The following BCAS1 variants were observed in gnomAD, a reference collection of about 807,000 sequenced individuals.
The protein encoded by BCAS1 is breast carcinoma-amplified sequence 1.
BCAS1 carries 46 observed loss-of-function variants against 65.4 expected under a neutral mutation model. The ratio of observed to expected loss-of-function variants is 0.70; its 90% CI spans 0.55 to 0.90. BCAS1 has a LOEUF of 0.90. BCAS1 is among the 40% of genes least tolerant of loss of function. The pLI is 0.00. For missense variants in BCAS1, 793 were observed against 771.2 expected, an observed-to-expected ratio of 1.03 and a Z score of -0.33; for synonymous variants, 298 against 293.5, an observed-to-expected ratio of 1.02 and a Z score of -0.16.
chr20:54,021,931 A>C (rs1248174454), intron 4 of BCAS1, among the ~76,000 whole-genome samples: 3 of 152,202 alleles, frequency 2.0e-5, no homozygotes, highest in Non-Finnish European at 4.4e-5. Context: ...CAAAAACTTT[A>C]TCTCTAAAAA....
intron 6 of BCAS1, among the ~76,000 whole-genome samples, chr20:53,993,705 C>A (rs1331634157): frequency 6.6e-6 from 1 of 152,194 alleles, no homozygotes; most frequent in African/African-American, 2.4e-5. Flanking sequence ...AGACATAGAA[C>A]CAAAAGAAAT....
chr20:54,050,436 G>GT (rs1224932191), intron 3 of BCAS1, among the ~76,000 whole-genome samples: 1 of 152,192 alleles, frequency 6.6e-6, no homozygotes, highest in African/African-American at 2.4e-5. Flanking sequence ...AATTGCATAA[G>GT]TAAGTTGCAC....
In BCAS1 at chr20:53,969,201, C is replaced by A. The variant is rs796871342; in HGVS notation, c.1318-2128G>T. 2.6e-5 allele frequency among the ~76,000 whole-genome samples: 4 copies of A among 151,016 alleles called. No homozygotes were observed. In the South Asian group the frequency reaches 8.6e-4, roughly 32 times the overall value. ...CTGTTCTCGGTGGGAATTGCATACA[C>A]ATCAGAAAGTTGTCTGCATATTAAA... On this transcript the variant is annotated intron_variant, in intron 9 of 12. Coordinates refer to ENST00000688948, the MANE Select transcript of BCAS1 (RefSeq NM_001366298.2).
intron 3 of BCAS1, among the ~76,000 whole-genome samples, chr20:54,043,320 G>A (rs1166462394): frequency 6.7e-6 from 1 of 150,056 alleles, no homozygotes; most frequent in Non-Finnish European, 1.5e-5. Context: ...TGATGATGAT[G>A]ATGATGATGA....
chr20:53,947,191 C>T (rs750338678), intron 12 of BCAS1, among the ~76,000 whole-genome samples: 15 of 151,950 alleles, frequency 9.9e-5, no homozygotes, highest in Non-Finnish European at 1.8e-4. Context: ...TTAATTTTAC[C>T]GTTGATAAAA....
chr20:54,009,365 C>T (rs2091273332), intron 4 of BCAS1, among the ~76,000 whole-genome samples: 1 of 151,910 alleles, frequency 6.6e-6, no homozygotes, highest in Non-Finnish European at 1.5e-5. Context: ...CAGATGACAA[C>T]AAAAAAGAGA....
At chr20:54,068,081 C>T (rs1342570081) in intron 1 of BCAS1, among the ~76,000 whole-genome samples, 2 of 152,186 alleles carry the variant, frequency 1.3e-5, no homozygotes, top group East Asian at 1.9e-4. Flanking sequence ...CTACAGGTTG[C>T]CTCCTGTACA....
At chr20:54,047,322 T>C (rs1029758221) in intron 3 of BCAS1, among the ~76,000 whole-genome samples, 1 of 152,230 alleles carries the variant, frequency 6.6e-6, no homozygotes, top group South Asian at 2.1e-4. Flanking sequence ...CTGTTGGTTA[T>C]ATAGGACCAG....
chr20:54,041,250 G>A (rs1294452011), intron 3 of BCAS1, among the ~76,000 whole-genome samples: 3 of 151,322 alleles, frequency 2.0e-5, no homozygotes, highest in Non-Finnish European at 3.0e-5. Context: ...ATTAGACGTG[G>A]AACGATTGCA....
At chr20:54,063,975 A>G (rs1438251265) in intron 1 of BCAS1, among the ~76,000 whole-genome samples, 1 of 147,216 alleles carries the variant, frequency 6.8e-6, no homozygotes, top group African/African-American at 2.4e-5. Flanking sequence ...TACATTAAAC[A>G]TACGAAGCTA....
intron 9 of BCAS1, among the ~76,000 whole-genome samples, chr20:53,970,068 T>G (rs1234747498): frequency 6.6e-6 from 1 of 151,792 alleles, no homozygotes; most frequent in Non-Finnish European, 1.5e-5. Context: ...AGAAGTATTC[T>G]GTCTTTGAGG....
At chr20:53,985,786 G>A (rs1186398512) in intron 7 of BCAS1, among the ~76,000 whole-genome samples, 1 of 152,162 alleles carries the variant, frequency 6.6e-6, no homozygotes, top group East Asian at 1.9e-4. Context: ...ACCCTTTGCT[G>A]TTAGAATATG....
intron 4 of BCAS1, among the ~76,000 whole-genome samples, chr20:54,016,696 C>T (rs914519719): frequency 9.9e-5 from 15 of 152,190 alleles, no homozygotes; most frequent in African/African-American, 3.6e-4. Flanking sequence ...AATAAAATAA[C>T]ATGAAAATAT....
At chr20:53,996,136 T>C in intron 4 of BCAS1, 86 bp from the exon 5 acceptor site, 1 of 1,388,064 alleles carries the variant, frequency 7.2e-7, no homozygotes, top group Non-Finnish European at 9.7e-7. Flanking sequence ...CTTTCTCTCT[T>C]ACCCCCTAAT....
chr20:53,960,255 C>T (rs1477742530), intron 10 of BCAS1, among the ~76,000 whole-genome samples: 2 of 152,112 alleles, frequency 1.3e-5, no homozygotes, highest in East Asian at 3.9e-4. Context: ...CTAAACTTCC[C>T]GTTAGTTGTT....
At chr20:54,069,933 G>T (rs989492227) in intron 1 of BCAS1, among the ~76,000 whole-genome samples, 1 of 152,238 alleles carries the variant, frequency 6.6e-6, no homozygotes, top group Non-Finnish European at 1.5e-5. Flanking sequence ...TGAATCAGCA[G>T]CTGCCTCATA....
rs1490867059 is a variant in BCAS1, at chr20:53,944,999, G to A, written c.1816-3C>T. On this transcript the variant is annotated splice_region_variant and splice_polypyrimidine_tract_variant and intron_variant, in intron 12 of 12. Coordinates refer to ENST00000688948, the MANE Select transcript of BCAS1 (RefSeq NM_001366298.2). ...GCATCCAACATCCGCTTTGGTCCCT[G>A]GAGAAAAACAGAAAGACGTGGCAGC... 1.2e-6 allele frequency: 2 copies of A among 1,613,862 alleles called. No homozygotes were observed. The highest frequency in any genetic ancestry group is 2.2e-5 in the East Asian group (1 of 44,874).
At chr20:54,034,765 C>T (rs1347187302) in intron 3 of BCAS1, among the ~76,000 whole-genome samples, 1 of 151,380 alleles carries the variant, frequency 6.6e-6, no homozygotes, top group Non-Finnish European at 1.5e-5. Context: ...AGATTCTTCA[C>T]AGAACCAGAG....
intron 12 of BCAS1, among the ~76,000 whole-genome samples, chr20:53,948,103 C>A (rs2089389697): frequency 6.6e-6 from 1 of 152,164 alleles, no homozygotes; most frequent in South Asian, 2.1e-4. Context: ...CTCAGGCTGG[C>A]CACGGGTGGC....
Sources: gnomAD v4.1 joint callset for allele counts (sites outside exome capture counted in the v4.1 genomes callset) on GRCh38, gnomAD v4.1.1 for gene constraint, MANE v1.5 for transcripts, NCBI Gene and HGNC (gene_info 2026-07-23, HGNC 2026-07-21) for gene names.